Variants in SLC44A5 observed in about 807,000 individuals in gnomAD.
SLC44A5 encodes the protein choline transporter-like protein 5.
A neutral mutation model predicts 101.8 loss-of-function variants in SLC44A5; 57 were observed. The ratio of observed to expected loss-of-function variants is 0.56; its 90% CI spans 0.45 to 0.70. The LOEUF (loss-of-function observed/expected upper bound fraction) is 0.70. Ranked by LOEUF, SLC44A5 falls within the 30% of genes least tolerant of loss-of-function variation. The probability of loss-of-function intolerance (pLI) is 0.00; values close to 1 mark genes in which losing one functional copy is unlikely to be tolerated. For missense variants in SLC44A5, 737 were observed against 853.1 expected (o/e 0.86, Z 1.70); for synonymous variants, 281 against 290.9 (o/e 0.97, Z 0.35).
chr1:75,425,571 C>T (rs1570241636), intron 2 of SLC44A5, among the ~76,000 whole-genome samples: 1 of 123,928 alleles, frequency 8.1e-6, no homozygotes, highest in Non-Finnish European at 1.7e-5. Context: ...GTCAAATAGA[C>T]AGGCCAACTT....
intron 3 of SLC44A5, among the ~76,000 whole-genome samples, chr1:75,388,172 T>A (rs1316349656): frequency 7.1e-6 from 1 of 141,012 alleles, no homozygotes; most frequent in Non-Finnish European, 1.5e-5. Context: ...GTAACTAACC[T>A]GCACAATGTG....
At chr1:75,598,184 A>G (rs920035133) in intron 1 of SLC44A5, among the ~76,000 whole-genome samples, 2 of 152,182 alleles carry the variant, frequency 1.3e-5, no homozygotes, top group Non-Finnish European at 2.9e-5. Flanking sequence ...ATATGAGAAA[A>G]AGCTCAGTAT....
At chr1:75,707,760 A>T in the SLC44A5 span, among the ~76,000 whole-genome samples, 1 of 152,240 alleles carries the variant, frequency 6.6e-6, no homozygotes, top group Admixed American at 6.5e-5. Flanking sequence ...GACCTGGAGA[A>T]CAAAACAGAA....
At chr1:75,481,019 G>A (rs1001089458) in intron 2 of SLC44A5, among the ~76,000 whole-genome samples, 19 of 152,178 alleles carry the variant, frequency 1.2e-4, no homozygotes, top group African/African-American at 4.6e-4. Flanking sequence ...CAAGGCTACA[G>A]TAACCAAAAC....
intron 6 of SLC44A5, among the ~76,000 whole-genome samples, chr1:75,254,910 C>CAA (rs552743714): frequency 6.6e-6 from 1 of 150,662 alleles, no homozygotes; most frequent in Non-Finnish European, 1.5e-5. Flanking sequence ...ACTAAAATTG[C>CAA]AAAAAAAAAT....
At chr1:75,332,715 AGT>A (rs1657142713) in intron 4 of SLC44A5, among the ~76,000 whole-genome samples, 1 of 152,208 alleles carries the variant, frequency 6.6e-6, no homozygotes, top group Admixed American at 6.5e-5. Context: ...AGTTGGATTA[AGT>A]GACCTCAAAG....
chr1:75,500,813 G>A (rs887702469), intron 2 of SLC44A5, among the ~76,000 whole-genome samples: 5 of 152,094 alleles, frequency 3.3e-5, no homozygotes, highest in African/African-American at 1.2e-4. Flanking sequence ...CAGTATTGCG[G>A]GTAAGGATTA....
chr1:75,476,155 C>T (rs1667383788), intron 2 of SLC44A5, among the ~76,000 whole-genome samples: 1 of 151,576 alleles, frequency 6.6e-6, no homozygotes, highest in East Asian at 1.9e-4. Context: ...TGCACTCCAG[C>T]CTGGGAGACA....
At chr1:75,323,015 T>C (rs1656289277) in intron 4 of SLC44A5, among the ~76,000 whole-genome samples, 1 of 151,572 alleles carries the variant, frequency 6.6e-6, no homozygotes, top group African/African-American at 2.4e-5. Flanking sequence ...TATGTATACA[T>C]GTGCCATGCT....
chr1:75,474,130 C>T (rs893272259), intron 2 of SLC44A5, among the ~76,000 whole-genome samples: 1 of 152,086 alleles, frequency 6.6e-6, no homozygotes, highest in Non-Finnish European at 1.5e-5. Context: ...TAACAGATTT[C>T]ATTCTAAGAT....
At chr1:75,683,756 TAACA>T in the SLC44A5 span, among the ~76,000 whole-genome samples, 95,542 of 149,936 alleles carry the variant, frequency 0.64, 31,511 homozygotes, top group Middle Eastern at 0.72. Context: ...TAAAGTATAA[TAACA>T]AATAAATAAA....
intron 2 of SLC44A5, among the ~76,000 whole-genome samples, chr1:75,418,196 A>G (rs1007969969): frequency 6.6e-6 from 1 of 152,238 alleles, no homozygotes; most frequent in Admixed American, 6.5e-5. Flanking sequence ...TCCAAGCAAC[A>G]ATGCAGTGCT....
At chr1:75,620,254 C>A in the SLC44A5 span, among the ~76,000 whole-genome samples, 1 of 152,086 alleles carries the variant, frequency 6.6e-6, no homozygotes, top group East Asian at 1.9e-4. Context: ...TGGGTTGGTT[C>A]CAAGTCTTTG....
chr1:75,588,833 G>C (rs1674175465), intron 1 of SLC44A5, among the ~76,000 whole-genome samples: 1 of 152,060 alleles, frequency 6.6e-6, no homozygotes, highest in South Asian at 2.1e-4. Context: ...CACCATTGAA[G>C]GTATAACTGT....
At chr1:75,209,415 T>C (rs1345689758) in intron 23 of SLC44A5, among the ~76,000 whole-genome samples, 4 of 152,208 alleles carry the variant, frequency 2.6e-5, no homozygotes, top group African/African-American at 7.2e-5. Flanking sequence ...TTGAGCATTC[T>C]AGAGCCCTGC....
intron 3 of SLC44A5, among the ~76,000 whole-genome samples, chr1:75,348,640 T>C (rs1367459599): frequency 6.6e-6 from 1 of 152,220 alleles, no homozygotes; most frequent in African/African-American, 2.4e-5. Flanking sequence ...TTTTATTCTA[T>C]GTGTTCTCAT....
chr1:75,325,294 G>A (rs1010890382), intron 4 of SLC44A5, among the ~76,000 whole-genome samples: 3 of 152,058 alleles, frequency 2.0e-5, no homozygotes, highest in Non-Finnish European at 4.4e-5. Flanking sequence ...TTAAGAATCT[G>A]ATACATTTAT....
chr1:75,720,536 C>G, the SLC44A5 span: 1 of 152,180 alleles, frequency 6.6e-6, no homozygotes, highest in Non-Finnish European at 1.5e-5. Context: ...AAATATTACC[C>G]TATAAATTAC....
At chr1:75,534,468 C>T (rs1670891116) in intron 2 of SLC44A5, among the ~76,000 whole-genome samples, 1 of 152,132 alleles carries the variant, frequency 6.6e-6, no homozygotes, top group South Asian at 2.1e-4. Context: ...AAACCTTTGA[C>T]AGAGAGTTTT....
Sources: allele counts gnomAD v4.1 joint callset (sites outside exome capture counted in the v4.1 genomes callset), GRCh38; gene constraint gnomAD v4.1.1; transcripts MANE v1.5; gene names NCBI Gene and HGNC (gene_info 2026-07-23, HGNC 2026-07-21).